Variants in SFI1 observed in about 807,000 individuals in gnomAD.
SFI1 encodes the protein protein SFI1 homolog.
Under a neutral mutation model 207.5 loss-of-function variants are expected in SFI1, and 195 were observed. That is an observed-to-expected ratio of 0.94 (90% CI 0.84 to 1.06). The LOEUF (loss-of-function observed/expected upper bound fraction) is 1.06, where lower values mean the gene tolerates loss of function less well. SFI1 is among the 50% of genes least tolerant of loss of function. The pLI, the probability that SFI1 is intolerant of heterozygous loss-of-function variation, is 0.00. For missense variants in SFI1, 1,634 were observed against 1,588.0 expected, an observed-to-expected ratio of 1.03 and a Z score of -0.49; for synonymous variants, 630 against 598.9, an observed-to-expected ratio of 1.05 and a Z score of -0.76.
intron 27 of SFI1, chr22:31,614,586 G>A: frequency 1.4e-6 from 1 of 704,696 alleles, no homozygotes; most frequent in Non-Finnish European, 2.6e-6. Context: ...CAATGTGGGT[G>A]AAGCAGTCCC....
chr22:31,511,309 T>A (rs942996674), intron 2 of SFI1, among the ~76,000 whole-genome samples: 1 of 152,088 alleles, frequency 6.6e-6, no homozygotes, highest in Non-Finnish European at 1.5e-5. Flanking sequence ...GACGTTCTCA[T>A]AGAAGGAGTC....
Position 31,575,335 on chromosome 22 carries a change from G to C in SFI1, c.1027G>C (p.Val343Leu). ...GAGCTTGTACGCTCACCATGCCCAG[G>C]TGGAGAAACTGGCCAGGAAGATGGC... ...RESLYAHHAQ[V>L]EKLARKMALR... Residue 343 changes from valine to leucine, a missense_variant, in exon 10 of 33, where the codon GTG becomes CTG. Transcript: ENST00000400288. The C allele has an allele frequency of 1.2e-6, 2 of 1,613,208 alleles. No homozygotes were observed. The highest frequency in any genetic ancestry group is 1.7e-6 in the Non-Finnish European group (2 of 1,179,714).
intron 4 of SFI1, among the ~76,000 whole-genome samples, chr22:31,533,303 G>A (rs528478375): frequency 4.6e-5 from 7 of 152,234 alleles, no homozygotes; most frequent in South Asian, 4.1e-4. Context: ...CAAGACAGGC[G>A]GATTACTTGA....
At chr22:31,510,091 A>G (rs1190199652) in intron 2 of SFI1, among the ~76,000 whole-genome samples, 1 of 152,046 alleles carries the variant, frequency 6.6e-6, no homozygotes, top group Non-Finnish European at 1.5e-5. Flanking sequence ...CTGCCTGCCA[A>G]AGTGCTGGGA....
intron 7 of SFI1, among the ~76,000 whole-genome samples, chr22:31,557,656 A>G (rs903408554): frequency 7.2e-5 from 11 of 152,218 alleles, no homozygotes; most frequent in African/African-American, 2.7e-4. Context: ...TTTGTAATGT[A>G]AAGTATCTTA....
chr22:31,514,954 T>C (rs2056275966), intron 2 of SFI1, among the ~76,000 whole-genome samples: 1 of 152,046 alleles, frequency 6.6e-6, no homozygotes, highest in East Asian at 1.9e-4. Flanking sequence ...GTATTTTTAG[T>C]AGAGACAGGG....
At chr22:31,606,566 C>T (rs1416268093) in intron 21 of SFI1, 136 bp downstream of exon 21, 2 of 620,372 alleles carry the variant, frequency 3.2e-6, no homozygotes, top group South Asian at 2.0e-5. Context: ...TCCTCCAGCA[C>T]ACACACAAAC....
intron 2 of SFI1, among the ~76,000 whole-genome samples, chr22:31,519,678 T>C (rs1275546500): frequency 6.6e-6 from 1 of 152,048 alleles, no homozygotes; most frequent in Non-Finnish European, 1.5e-5. Context: ...CTTCAGGTGA[T>C]CCACCCGCCT....
intron 2 of SFI1, among the ~76,000 whole-genome samples, chr22:31,520,542 G>A (rs567007327): frequency 2.0e-5 from 3 of 152,034 alleles, no homozygotes; most frequent in South Asian, 2.1e-4. Flanking sequence ...TAATACTCAC[G>A]GAGGGTTGGT....
Position 31,530,052 on chromosome 22 carries a change from C to T in SFI1, c.267-1006C>T, listed in dbSNP as rs1312660844. Among the ~76,000 whole-genome samples, 9 of 150,198 alleles carry T rather than the reference C, an allele frequency of 6.0e-5. No individual in the cohort carries two copies. In the Admixed American group the frequency reaches 6.0e-4, roughly 10 times the overall value. On this transcript the variant is annotated intron_variant, in intron 3 of 32. Coordinates refer to ENST00000400288, the MANE Select transcript of SFI1 (RefSeq NM_001007467.3). ...GGGCGTGGTGGCAGGTGCCTGTAGT[C>T]GCAGATACTCTCTGGAAGCTGAGGC... is the stretch of plus-strand genomic sequence containing the variant.
intron 14 of SFI1, among the ~76,000 whole-genome samples, chr22:31,589,095 C>G (rs1042756672): frequency 2.0e-5 from 3 of 152,030 alleles, no homozygotes; most frequent in African/African-American, 7.2e-5. Context: ...TGTTTAGGTT[C>G]AAAAACCCCA....
chr22:31,583,848 T>C (rs1464833516), intron 12 of SFI1, 27 bp from the exon 13 acceptor site: 2 of 1,594,520 alleles, frequency 1.3e-6, no homozygotes, highest in Non-Finnish European at 1.7e-6. Flanking sequence ...CTCAGTACAT[T>C]TCCATCTTCT....
intron 6 of SFI1, among the ~76,000 whole-genome samples, chr22:31,552,145 T>A (rs1844008772): frequency 6.6e-6 from 1 of 152,196 alleles, no homozygotes; most frequent in African/African-American, 2.4e-5. Context: ...ATTTTCTGTT[T>A]CTGAGTTAGT....
intron 4 of SFI1, among the ~76,000 whole-genome samples, chr22:31,538,854 C>G (rs1333654578): frequency 6.6e-6 from 1 of 152,102 alleles, no homozygotes; most frequent in African/African-American, 2.4e-5. Flanking sequence ...GCCTCACAAC[C>G]AAAATCTCAT....
chr22:31,616,869 C>T lies in SFI1; in HGVS notation c.3425C>T (p.Ser1142Leu). 1 of 1,610,688 alleles carries T rather than the reference C, an allele frequency of 6.2e-7. No individual in the cohort carries two copies. Among genetic ancestry groups the T allele is most frequent in the Non-Finnish European group, 8.5e-7 (1 of 1,178,206 alleles). ...FSATRAGPGLSTAGSLDLEAE... is the reference protein window; with the variant it reads ...FSATRAGPGLLTAGSLDLEAE... ...GCCACCAGGGCTGGGCCTGGACTTT[C>T]AACTGCAGGTGTGTACCTGGGGCCT... Residue 1142 changes from serine (S) to leucine (L), a missense_variant, in exon 30 of 33, where the codon TCA becomes TTA. By Grantham distance (145) the Ser-to-Leu change is moderately radical. Coordinates refer to ENST00000400288, the MANE Select transcript of SFI1 (RefSeq NM_001007467.3).
intron 17 of SFI1, among the ~76,000 whole-genome samples, 154 bp from the exon 18 acceptor site, chr22:31,603,590 T>A (rs567873633): frequency 6.6e-6 from 1 of 152,216 alleles, no homozygotes; most frequent in Non-Finnish European, 1.5e-5. Context: ...GGTGCTTTTT[T>A]CTGAGACTGC....
At chr22:31,499,617 G>A (rs2053368528) in intron 1 of SFI1, among the ~76,000 whole-genome samples, 1 of 152,150 alleles carries the variant, frequency 6.6e-6, no homozygotes, top group South Asian at 2.1e-4. Flanking sequence ...TTTGAAAGAT[G>A]TTCTACTGTG....
At chr22:31,611,027 C>A in intron 22 of SFI1, 116 bp from the exon 23 acceptor site, 1 of 1,368,310 alleles carries the variant, frequency 7.3e-7, no homozygotes, top group Non-Finnish European at 1.0e-6. Flanking sequence ...ACCATGTGGG[C>A]TGGACACCTG....
chr22:31,508,850 C>T (rs1180026028), intron 2 of SFI1, among the ~76,000 whole-genome samples: 1 of 152,142 alleles, frequency 6.6e-6, no homozygotes, highest in Non-Finnish European at 1.5e-5. Context: ...GGTAGTACCA[C>T]CTTAGCTTCT....
Sources: gnomAD v4.1 joint callset for allele counts (sites outside exome capture counted in the v4.1 genomes callset) on GRCh38, gnomAD v4.1.1 for gene constraint, MANE v1.5 for transcripts, NCBI Gene and HGNC (gene_info 2026-07-23, HGNC 2026-07-21) for gene names.